The following PPIE variants were observed in gnomAD, a reference collection of about 807,000 sequenced individuals.
The protein encoded by PPIE is peptidylprolyl isomerase E.
PPIE carries 20 observed loss-of-function variants against 38.4 expected under a neutral mutation model. The observed-to-expected ratio is 0.52, with a 90% CI of 0.37 to 0.76. PPIE has a LOEUF of 0.76. Among genes scored for constraint, PPIE ranks in the 30% least tolerant of loss-of-function variants. The pLI, the probability that PPIE is intolerant of heterozygous loss-of-function variation, is 0.00. For missense variants in PPIE, 322 were observed against 385.8 expected, an observed-to-expected ratio of 0.83 and a Z score of 1.39; for synonymous variants, 142 against 135.7, an observed-to-expected ratio of 1.05 and a Z score of -0.32.
At chr1:39,739,714 C>G (rs1647011228) in intron 1 of PPIE, among the ~76,000 whole-genome samples, 1 of 152,068 alleles carries the variant, frequency 6.6e-6, no homozygotes. Flanking sequence ...TAGCCTGACA[C>G]TTGGGGGCAA....
In PPIE at chr1:39,754,127, G is replaced by A; in HGVS notation, c.*772G>A. ...CTACATGTGCCTAATCCAGCCCACT[G>A]CCTGTTTTTATGAATCAGGTTTTAT... On this transcript the variant is annotated 3_prime_UTR_variant, in exon 10 of 10. Transcript: ENST00000324379. 1.1e-6 allele frequency: 1 copy of A among 936,820 alleles called. No homozygotes were observed. Among genetic ancestry groups the A allele is most frequent in the Non-Finnish European group, 1.3e-6 (1 of 785,872 alleles). The allele number at this position is 936,820 out of a possible 1,614,324, so 58.0% of individuals were successfully genotyped here.
chr1:39,742,619 A>G (rs1421689482), intron 4 of PPIE: 1 of 150,044 alleles, frequency 6.7e-6, no homozygotes, highest in Admixed American at 6.7e-5. Flanking sequence ...ATTTCTTTCT[A>G]CCAAGTTACA....
At chr1:39,742,496 T>C (rs974972988) in intron 4 of PPIE, 4 of 115,572 alleles carry the variant, frequency 3.5e-5, no homozygotes, top group African/African-American at 5.5e-5. Context: ...CTTTCTTTTT[T>C]TTTTTTTTTT....
intron 6 of PPIE, among the ~76,000 whole-genome samples, chr1:39,744,444 C>T (rs12410995): frequency 0.11 from 16,525 of 152,182 alleles, 1,135 homozygotes; most frequent in Admixed American, 0.16. Context: ...GCTTCCTGGG[C>T]GTCCCCTCCT....
chr1:39,744,015 G>A lies in PPIE; in HGVS notation c.384+91G>A, dbSNP rs567423747. 160 of 754,658 alleles carry A rather than the reference G, an allele frequency of 2.1e-4. No homozygotes were observed. In the African/African-American group the frequency reaches 2.7e-3, roughly 13 times the overall value. The allele number at this position is 754,658 out of a possible 1,614,324, so 46.7% of individuals were successfully genotyped here. A position where few individuals can be genotyped will look rare whatever the true frequency, so the allele number is the denominator to read the frequency against. ...AGTTTTAATGGAAATTTGCCAATAT[G>A]TATATCAAAGTGGAGGGAATGAATA... On this transcript the variant is annotated intron_variant, in intron 6 of 9. Transcript: ENST00000324379.
At chr1:39,750,418 G>T (rs1647599456) in intron 8 of PPIE, among the ~76,000 whole-genome samples, 1 of 152,124 alleles carries the variant, frequency 6.6e-6, no homozygotes, top group African/African-American at 2.4e-5. Flanking sequence ...TCATACTACA[G>T]GTTGAGTGTC....
chr1:39,743,722 C>A, intron 5 of PPIE, 102 bp from the exon 6 acceptor site: 1 of 868,512 alleles, frequency 1.2e-6, no homozygotes, highest in Non-Finnish European at 1.8e-6. Flanking sequence ...AATTGTCTGG[C>A]ATACAGGCCA....
At chr1:39,745,258 A>G (rs1647165172) in intron 6 of PPIE, 117 bp from the exon 7 acceptor site, 1 of 1,394,686 alleles carries the variant, frequency 7.2e-7, no homozygotes, top group Middle Eastern at 2.5e-4. Flanking sequence ...CTTCCCCGTC[A>G]GCACTTGCTC....
intron 6 of PPIE, 54 bp downstream of exon 6, chr1:39,743,978 C>CT (rs375602951): frequency 0.016 from 18,546 of 1,163,742 alleles, 74 homozygotes; most frequent in South Asian, 0.032. Flanking sequence ...CCACAGGAGA[C>CT]TTTTTTTTTT....
Position 39,741,323 on chromosome 1 carries a change from A to G in PPIE, c.131-43A>G, listed in dbSNP as rs751489909. The G allele has an allele frequency of 1.1e-5, 17 of 1,589,430 alleles. No homozygotes were observed. In the East Asian group the frequency reaches 2.0e-4, roughly 19 times the overall value. On this transcript the variant is annotated intron_variant, in intron 2 of 9. Transcript: ENST00000324379. Reference sequence around the variant, plus strand: ...TGTGACCATCCTGTTTCTTCCCACTACCCCACATAGTAATTACTTGTTTTT... The same window carrying G: ...TGTGACCATCCTGTTTCTTCCCACTGCCCCACATAGTAATTACTTGTTTTT...
intron 1 of PPIE, chr1:39,739,403 A>G (rs1338410614): frequency 6.3e-6 from 1 of 158,612 alleles, no homozygotes; most frequent in African/African-American, 2.4e-5. Flanking sequence ...CCTCTCGTTC[A>G]TTTGTTTTAC....
chr1:39,747,417 C>T (rs557954378), intron 7 of PPIE: 1 of 150,790 alleles, frequency 6.6e-6, no homozygotes, highest in African/African-American at 2.4e-5. Context: ...ACATTTCTAC[C>T]AGCAATGTAT....
chr1:39,763,055 A>AC (rs1649230520), intron 9 of PPIE: 1 of 1,605,560 alleles, frequency 6.2e-7, no homozygotes, highest in Non-Finnish European at 8.5e-7. Flanking sequence ...AGGGCCCCCC[A>AC]CCCCAGGGGG....
At position 39,738,917 on chromosome 1, in the gene PPIE, G is replaced by T. The variant is rs1187358320; in HGVS notation, c.17G>T (p.Arg6Leu). The T allele has an allele frequency of 1.3e-6, 2 of 1,502,216 alleles. No individual in the cohort carries two copies. The highest frequency in any genetic ancestry group is 1.5e-5 in the African/African-American group (1 of 68,820). The allele number at this position is 1,502,216 out of a possible 1,614,324, so 93.1% of individuals were successfully genotyped here. Residue 6 changes from arginine to leucine, a missense_variant, in exon 1 of 10, where the codon CGC (arginine) becomes CTC (leucine). Transcript: ENST00000324379. Reference protein sequence around the residue: MATTKRVLYVGGLAEE... With the variant: MATTKLVLYVGGLAEE... Reference sequence around the variant, plus strand: ...GCGAGCAAGATGGCCACCACCAAGCGCGTCTTGTACGTGGGTGAGCAGGAG... The same window carrying T: ...GCGAGCAAGATGGCCACCACCAAGCTCGTCTTGTACGTGGGTGAGCAGGAG...
chr1:39,742,875 C>G (rs1647097261), intron 4 of PPIE: 1 of 180,658 alleles, frequency 5.5e-6, no homozygotes, highest in Non-Finnish European at 1.2e-5. Context: ...CAAACATATT[C>G]ATCAGCTGTC....
rs1256308084 is a variant in PPIE, at chr1:39,743,050, T to A, written c.202-166T>A. On this transcript the variant is annotated intron_variant, in intron 4 of 9. Coordinates refer to ENST00000324379, the MANE Select transcript of PPIE (RefSeq NM_006112.4). ...TGCTATGAAAGAAAGGGGTGTGAGT[T>A]CCCTGAAACCCACAGGTGGCTTTGG... 3 of 583,936 alleles carry A rather than the reference T, an allele frequency of 5.1e-6. No homozygotes were observed. The African/African-American group carries it at 5.6e-5, about 11-fold the overall frequency. 36.2% of individuals were successfully genotyped at this position (583,936 alleles called of 1,614,324 possible).
chr1:39,763,190 C>A, intron 9 of PPIE: 1 of 1,612,594 alleles, frequency 6.2e-7, no homozygotes, highest in Non-Finnish European at 8.5e-7. Context: ...CCTTGGGGAG[C>A]GATGACCCAG....
chr1:39,756,409 G>A lies in PPIE; in HGVS notation c.*3054G>A, dbSNP rs1648276167. 1.0e-6 allele frequency: 1 copy of A among 985,210 alleles called. No individual in the cohort carries two copies. The highest frequency in any genetic ancestry group is 4.7e-5 in the South Asian group (1 of 21,282). 61.0% of individuals were successfully genotyped at this position (985,210 alleles called of 1,614,324 possible). On this transcript the variant is annotated 3_prime_UTR_variant, in exon 10 of 10. Transcript: ENST00000324379. Reference sequence around the variant, plus strand: ...AGCCCCATCTGAGTCCCCACATGCTGGCCCTGAAACGGTTACAAAGGCTGA... The same window carrying A: ...AGCCCCATCTGAGTCCCCACATGCTAGCCCTGAAACGGTTACAAAGGCTGA...
downstream of PPIE, chr1:39,759,203 C>T (rs996024571): frequency 1.3e-5 from 2 of 152,326 alleles, no homozygotes; most frequent in African/African-American, 4.8e-5. Context: ...CCACCCAACT[C>T]AGCCTAATTA....
Sources: allele counts gnomAD v4.1 joint callset (sites outside exome capture counted in the v4.1 genomes callset), GRCh38; gene constraint gnomAD v4.1.1; transcripts MANE v1.5; gene names NCBI Gene and HGNC (gene_info 2026-07-23, HGNC 2026-07-21).